The following KIF2A variants were observed in gnomAD, a reference collection of about 807,000 sequenced individuals.
KIF2A encodes kinesin-like protein KIF2A.
A neutral mutation model predicts 100.2 loss-of-function variants in KIF2A; 22 were observed. The ratio of observed to expected loss-of-function variants is 0.22; its 90% CI spans 0.16 to 0.31. The LOEUF is 0.31. KIF2A is among the 10% of genes least tolerant of loss of function. The probability of loss-of-function intolerance (pLI) is 1.00; values close to 1 mark genes in which losing one functional copy is unlikely to be tolerated. For synonymous variants in KIF2A, 268 were observed against 285.9 expected (o/e 0.94, Z 0.63); for missense variants, 495 against 898.7 (o/e 0.55, Z 5.74).
At chr5:62,367,748 A>G (rs1221485155) in intron 16 of KIF2A, among the ~76,000 whole-genome samples, 1 of 152,194 alleles carries the variant, frequency 6.6e-6, no homozygotes, top group Non-Finnish European at 1.5e-5. Context: ...GGGCATATTT[A>G]TATTTGATCC....
At chr5:62,330,329 C>T (rs577621153) in intron 1 of KIF2A, among the ~76,000 whole-genome samples, 55 of 151,586 alleles carry the variant, frequency 3.6e-4, no homozygotes, top group African/African-American at 1.3e-3. Flanking sequence ...CCAGCCTGGG[C>T]GAGAGTGAGA....
At chr5:62,327,843 C>CA (rs754302036) in intron 1 of KIF2A, among the ~76,000 whole-genome samples, 3 of 152,262 alleles carry the variant, frequency 2.0e-5, no homozygotes, top group South Asian at 2.1e-4. Flanking sequence ...GTTGGGATGA[C>CA]AGAGTCCTGG....
intron 1 of KIF2A, among the ~76,000 whole-genome samples, chr5:62,312,095 C>G (rs745885566): frequency 1.2e-4 from 19 of 152,306 alleles, no homozygotes; most frequent in Non-Finnish European, 2.4e-4. Context: ...ATACAAACCC[C>G]TGTAGTAAAA....
intron 1 of KIF2A, among the ~76,000 whole-genome samples, chr5:62,339,618 A>G (rs1172801675): frequency 6.6e-6 from 1 of 151,072 alleles, no homozygotes; most frequent in Non-Finnish European, 1.5e-5. Context: ...ATTGTTCCTA[A>G]TAGCAGAAAC....
At chr5:62,348,724 C>T (rs1304956682) in intron 3 of KIF2A, among the ~76,000 whole-genome samples, 2 of 152,172 alleles carry the variant, frequency 1.3e-5, no homozygotes, top group Non-Finnish European at 2.9e-5. Flanking sequence ...TCCTTTCTCT[C>T]AAGACCTTTC....
At chr5:62,368,201 C>CTTA (rs1230250205) in intron 16 of KIF2A, among the ~76,000 whole-genome samples, 1 of 151,922 alleles carries the variant, frequency 6.6e-6, no homozygotes, top group Non-Finnish European at 1.5e-5. Context: ...AATAACATGC[C>CTTA]TTATTCATCT....
chr5:62,308,254 T>C, intron 1 of KIF2A: 1 of 1,015,572 alleles, frequency 9.8e-7, no homozygotes. Flanking sequence ...GTTTCTTTTA[T>C]ATTTTCTCTT....
intron 19 of KIF2A, among the ~76,000 whole-genome samples, chr5:62,378,824 A>T (rs1336051024): frequency 6.6e-6 from 1 of 152,124 alleles, no homozygotes; most frequent in Admixed American, 6.6e-5. Flanking sequence ...AGGCTGAGGT[A>T]GGATTCCTTG....
chr5:62,316,090 G>C (rs1745808279), intron 1 of KIF2A, among the ~76,000 whole-genome samples: 2 of 152,320 alleles, frequency 1.3e-5, no homozygotes, highest in South Asian at 2.1e-4. Flanking sequence ...TAATATCAAA[G>C]AGAGCATCCA....
intron 1 of KIF2A, among the ~76,000 whole-genome samples, chr5:62,325,209 C>G (rs1238393477): frequency 6.6e-6 from 1 of 152,042 alleles, no homozygotes; most frequent in Non-Finnish European, 1.5e-5. Context: ...ACTGAAACCT[C>G]CACCTCCTGG....
chr5:62,377,100 A>G (rs1448158605), intron 18 of KIF2A, among the ~76,000 whole-genome samples: 3 of 152,218 alleles, frequency 2.0e-5, no homozygotes, highest in Non-Finnish European at 4.4e-5. Flanking sequence ...GATGAAGTAA[A>G]ATTGTGAATT....
chr5:62,370,517 G>A (rs1286234535), intron 16 of KIF2A, among the ~76,000 whole-genome samples: 1 of 151,880 alleles, frequency 6.6e-6, no homozygotes, highest in African/African-American at 2.4e-5. Flanking sequence ...GGCTGGTCTC[G>A]AACTCCTGAC....
chr5:62,333,216 T>C (rs1746746554), intron 1 of KIF2A, among the ~76,000 whole-genome samples: 1 of 152,240 alleles, frequency 6.6e-6, no homozygotes, highest in Non-Finnish European at 1.5e-5. Flanking sequence ...AATCTTGCAT[T>C]GTGAGAAAAG....
Position 62,347,261 on chromosome 5 carries a change from C to T in KIF2A, c.159+37C>T, listed in dbSNP as rs774554633. 4.7e-6 allele frequency: 5 copies of T among 1,063,598 alleles called. No individual in the cohort carries two copies. The East Asian group carries it at 1.2e-4, about 26-fold the overall frequency. The allele number at this position is 1,063,598 out of a possible 1,614,324, so 65.9% of individuals were successfully genotyped here. A position where few individuals can be genotyped will look rare whatever the true frequency, so the allele number is the denominator to read the frequency against. ...GAGTTTAATTTTATTCCTAGTCCTG[C>T]AATCAAGATTCTGAATATAAAACAA... On this transcript the variant is annotated intron_variant, in intron 2 of 20. Transcript: ENST00000407818.
intron 19 of KIF2A, among the ~76,000 whole-genome samples, chr5:62,379,982 C>T (rs1167177435): frequency 2.6e-5 from 4 of 152,178 alleles, no homozygotes; most frequent in Non-Finnish European, 5.9e-5. Context: ...ACCCCTGCCT[C>T]CTGGGTTCAA....
At chr5:62,365,194 T>G (rs765295034) in intron 14 of KIF2A, 49 bp from the exon 15 acceptor site, 1 of 905,112 alleles carries the variant, frequency 1.1e-6, no homozygotes. Context: ...ATTAAGATTA[T>G]CCTTTATAAG....
At chr5:62,354,719 C>A (rs1286559256) in intron 6 of KIF2A, among the ~76,000 whole-genome samples, 1 of 152,024 alleles carries the variant, frequency 6.6e-6, no homozygotes, top group Non-Finnish European at 1.5e-5. Context: ...TTATACTTTG[C>A]TGAAACACTG....
intron 1 of KIF2A, among the ~76,000 whole-genome samples, chr5:62,317,536 A>G (rs140531781): frequency 6.6e-6 from 1 of 152,352 alleles, no homozygotes; most frequent in African/African-American, 2.4e-5. Flanking sequence ...TGAGATTAGA[A>G]CATAGTTTGT....
At position 62,355,283 on chromosome 5, in the gene KIF2A, G is replaced by C. The variant is rs894647469; in HGVS notation, c.654+29G>C. 3 of 1,139,878 alleles carry C rather than the reference G, an allele frequency of 2.6e-6. No homozygotes were observed. In the African/African-American group the frequency reaches 4.7e-5, roughly 18 times the overall value. The allele number at this position is 1,139,878 out of a possible 1,614,324, so 70.6% of individuals were successfully genotyped here. A position where few individuals can be genotyped will look rare whatever the true frequency, so the allele number is the denominator to read the frequency against. On this transcript the variant is annotated intron_variant, in intron 7 of 20. Transcript: ENST00000407818. ...AGATTCTTTGTAAACCATTATTCTG[G>C]AACTTTTTATGCTTCAAATAAAAAC...
Sources: allele counts gnomAD v4.1 joint callset (sites outside exome capture counted in the v4.1 genomes callset), GRCh38; gene constraint gnomAD v4.1.1; transcripts MANE v1.5; gene names NCBI Gene and HGNC (gene_info 2026-07-23, HGNC 2026-07-21).